The following DISP1 variants were observed in gnomAD, a reference collection of about 807,000 sequenced individuals.
DISP1 encodes the protein protein dispatched homolog 1.
DISP1 carries 30 observed loss-of-function variants against 37.3 expected under a neutral mutation model. The observed-to-expected ratio is 0.80, with a 90% CI of 0.60 to 1.09. The LOEUF is 1.09. Among genes scored for constraint, DISP1 ranks in the 50% least tolerant of loss-of-function variants. The pLI is 0.00. For missense variants in DISP1, 1,598 were observed against 1,879.5 expected (o/e 0.85, Z 2.77); for synonymous variants, 634 against 690.2 (o/e 0.92, Z 1.28).
chr1:222,816,096 TATATATAA>T lies in DISP1; in HGVS notation c.-159+1023_-159+1030del, dbSNP rs1211129302. Among the ~76,000 whole-genome samples the T allele has an allele frequency of 3.0e-4, 38 of 127,784 alleles. 1 individual carries two copies. Among genetic ancestry groups the T allele is most frequent in the African/African-American group, 8.9e-4 (31 of 34,990 alleles). The allele number at this position is 127,784 out of a possible 152,430, so 83.8% of individuals were successfully genotyped here. A position where few individuals can be genotyped will look rare whatever the true frequency, so the allele number is the denominator to read the frequency against. ...AAATATATATATATATATATATATA[TATATATAA>T]ATATTTGCCATTGTCAGTGTTTTTT... On this transcript the variant is annotated intron_variant, in intron 1 of 8. Coordinates refer to ENST00000675850, the MANE Select transcript of DISP1 (RefSeq NM_001377229.1).
intron 4 of DISP1, among the ~76,000 whole-genome samples, chr1:222,985,275 T>A (rs1366989620): frequency 6.6e-6 from 1 of 152,264 alleles, no homozygotes. Context: ...AAGCCTTTCC[T>A]GATTCCCCTT....
At chr1:222,940,134 A>C (rs1234147656) in intron 2 of DISP1, among the ~76,000 whole-genome samples, 1 of 151,864 alleles carries the variant, frequency 6.6e-6, no homozygotes, top group Non-Finnish European at 1.5e-5. Context: ...TCAAAAAAAA[A>C]AAGAAAAGAA....
chr1:222,954,027 A>G (rs144471700), intron 3 of DISP1, among the ~76,000 whole-genome samples: 1,838 of 152,228 alleles, frequency 0.012, 41 homozygotes, highest in African/African-American at 0.042. Context: ...CTAGTTATTT[A>G]GCAGATACTG....
At chr1:222,905,540 C>T (rs993931808) in intron 1 of DISP1, among the ~76,000 whole-genome samples, 4 of 152,122 alleles carry the variant, frequency 2.6e-5, no homozygotes, top group Non-Finnish European at 5.9e-5. Flanking sequence ...TGGCTAATTT[C>T]GAGGAAATTC....
chr1:222,991,952 T>C, intron 6 of DISP1, 61 bp from the exon 7 acceptor site: 4 of 1,323,506 alleles, frequency 3.0e-6, no homozygotes, highest in African/African-American at 1.5e-5. Context: ...GTTTCCAGTA[T>C]GCTTATCAGC....
intron 1 of DISP1, among the ~76,000 whole-genome samples, chr1:222,867,547 C>T (rs879324985): frequency 6.6e-6 from 1 of 152,152 alleles, no homozygotes; most frequent in Non-Finnish European, 1.5e-5. Flanking sequence ...GCTGGGCTGT[C>T]ATAAAGTCTG....
intron 1 of DISP1, among the ~76,000 whole-genome samples, chr1:222,847,383 G>C (rs1667972294): frequency 6.6e-6 from 1 of 152,130 alleles, no homozygotes; most frequent in Admixed American, 6.5e-5. Flanking sequence ...TCTGAACACT[G>C]GGTGTGCTCA....
At chr1:222,903,908 G>A (rs925345551) in intron 1 of DISP1, among the ~76,000 whole-genome samples, 1 of 152,180 alleles carries the variant, frequency 6.6e-6, no homozygotes, top group Admixed American at 6.5e-5. Flanking sequence ...TCAGAAGGAG[G>A]CAATAGAGTG....
At chr1:222,864,540 CT>C (rs982785339) in intron 1 of DISP1, among the ~76,000 whole-genome samples, 35 of 151,698 alleles carry the variant, frequency 2.3e-4, no homozygotes, top group Admixed American at 1.8e-3. Context: ...ACAGTCAATC[CT>C]TTTTTCAATA....
At chr1:222,983,016 T>C (rs1677950238) in intron 3 of DISP1, 64 bp from the exon 4 acceptor site, 2 of 1,253,796 alleles carry the variant, frequency 1.6e-6, no homozygotes, top group Non-Finnish European at 2.3e-6. Context: ...AAGCCTTTGT[T>C]TATGTTATGA....
At chr1:222,962,323 A>G (rs1324044665) in intron 3 of DISP1, among the ~76,000 whole-genome samples, 3 of 152,228 alleles carry the variant, frequency 2.0e-5, no homozygotes, top group Non-Finnish European at 1.5e-5. Flanking sequence ...ATGGATAGGA[A>G]GAATCAATAT....
rs143090107 is a variant in DISP1 at position 222,826,199 on chromosome 1, C to T, written c.-159+11121C>T. On this transcript the variant is annotated intron_variant, in intron 1 of 8. Coordinates refer to ENST00000675850, the MANE Select transcript of DISP1 (RefSeq NM_001377229.1). ...GATTACAGGCTTGAGCCACCATGCC[C>T]AGCCTGGGTTTTTCTTCTTACTGTA... 2.4e-3 allele frequency among the ~76,000 whole-genome samples: 366 copies of T among 152,232 alleles called. 3 individuals carry two copies. Among genetic ancestry groups the T allele is most frequent in the African/African-American group, 8.5e-3 (355 of 41,550 alleles).
At chr1:222,898,953 T>C (rs1312123613) in intron 1 of DISP1, among the ~76,000 whole-genome samples, 1 of 152,198 alleles carries the variant, frequency 6.6e-6, no homozygotes, top group African/African-American at 2.4e-5. Context: ...TATTTTAACC[T>C]TGTGACATTT....
chr1:222,948,893 T>C (rs1053208207), intron 3 of DISP1, among the ~76,000 whole-genome samples: 1 of 152,198 alleles, frequency 6.6e-6, no homozygotes, highest in Non-Finnish European at 1.5e-5. Flanking sequence ...TATAAAGCAC[T>C]TAAGCCATAG....
At position 223,005,986 on chromosome 1, in the gene DISP1, C is replaced by T; in HGVS notation, c.*14C>T. 1 of 1,595,120 alleles carries T rather than the reference C, an allele frequency of 6.3e-7. No individual in the cohort carries two copies. Among genetic ancestry groups the T allele is most frequent in the Non-Finnish European group, 8.6e-7 (1 of 1,165,862 alleles). The stretch of plus-strand genomic sequence containing the variant: ...AAAACACTATAATAAATGCAGCATT[C>T]AATTCAGAACCAGTGCCTCAATTAT... On this transcript the variant is annotated 3_prime_UTR_variant, in exon 9 of 9. Coordinates refer to ENST00000675850, the MANE Select transcript of DISP1 (RefSeq NM_001377229.1).
intron 8 of DISP1, among the ~76,000 whole-genome samples, chr1:222,997,779 G>A (rs1329437812): frequency 2.0e-5 from 3 of 152,130 alleles, no homozygotes; most frequent in Non-Finnish European, 2.9e-5. Flanking sequence ...ACAACTAAAA[G>A]CATTATCTAT....
At chr1:222,946,998 GA>G (rs1674835029) in intron 3 of DISP1, among the ~76,000 whole-genome samples, 1 of 152,138 alleles carries the variant, frequency 6.6e-6, no homozygotes, top group Non-Finnish European at 1.5e-5. Context: ...GTGTGTTTGT[GA>G]TTTTTTTTAT....
chr1:222,997,888 T>C (rs1679185417), intron 8 of DISP1, among the ~76,000 whole-genome samples: 1 of 152,178 alleles, frequency 6.6e-6, no homozygotes, highest in Admixed American at 6.5e-5. Flanking sequence ...ATGGTTGGTA[T>C]GGCCAATTAT....
chr1:222,978,243 G>C (rs1677546155), intron 3 of DISP1, among the ~76,000 whole-genome samples: 1 of 152,068 alleles, frequency 6.6e-6, no homozygotes, highest in Non-Finnish European at 1.5e-5. Flanking sequence ...ATCTCGTTGT[G>C]GTTTTGATTT....
Sources: allele counts gnomAD v4.1 joint callset (sites outside exome capture counted in the v4.1 genomes callset), GRCh38; gene constraint gnomAD v4.1.1; transcripts MANE v1.5; gene names NCBI Gene and HGNC (gene_info 2026-07-23, HGNC 2026-07-21).